Variants in DENND1B observed in about 807,000 individuals in gnomAD.
DENND1B encodes DENN domain-containing protein 1B.
In DENND1B, 59 loss-of-function variants were observed where a neutral mutation model predicts 90.1. The ratio of observed to expected loss-of-function variants is 0.65; its 90% CI spans 0.53 to 0.81. DENND1B has a LOEUF of 0.81. DENND1B is among the 40% of genes least tolerant of loss of function. The pLI, the probability that DENND1B is intolerant of heterozygous loss-of-function variation, is 0.00. For missense variants in DENND1B, 862 were observed against 912.6 expected (o/e 0.94, Z 0.71); for synonymous variants, 337 against 324.6 (o/e 1.04, Z -0.41).
At chr1:197,689,850 T>C (rs1178055702) in intron 3 of DENND1B, 1 of 152,726 alleles carries the variant, frequency 6.5e-6, no homozygotes, top group Non-Finnish European at 1.5e-5. Context: ...AATGTTAGAA[T>C]GGTGACAATA....
At chr1:197,672,594 C>T (rs1655624526) in intron 4 of DENND1B, among the ~76,000 whole-genome samples, 1 of 151,930 alleles carries the variant, frequency 6.6e-6, no homozygotes, top group African/African-American at 2.4e-5. Context: ...TAATGGCAGC[C>T]ACCACCAACT....
intron 2 of DENND1B, among the ~76,000 whole-genome samples, chr1:197,753,280 A>G (rs1653809353): frequency 6.6e-6 from 1 of 152,052 alleles, no homozygotes; most frequent in Non-Finnish European, 1.5e-5. Context: ...AACTTTTCTA[A>G]TTAATCGAAA....
chr1:197,550,069 T>C (rs1350538869), intron 16 of DENND1B, among the ~76,000 whole-genome samples: 1 of 151,958 alleles, frequency 6.6e-6, no homozygotes, highest in Non-Finnish European at 1.5e-5. Context: ...GAGGAGAAAA[T>C]AGATGTTTCT....
intron 2 of DENND1B, among the ~76,000 whole-genome samples, chr1:197,770,643 T>TACAA (rs1309230972): frequency 0.029 from 1,039 of 36,000 alleles, 26 homozygotes; most frequent in African/African-American, 0.2. Context: ...AATATATATC[T>TACAA]ATAAATATAT....
chr1:197,645,812 A>G, intron 8 of DENND1B, 69 bp from the exon 9 acceptor site: 1 of 1,074,532 alleles, frequency 9.3e-7, no homozygotes. Flanking sequence ...TTGTAATGAA[A>G]ATCAGAAAAA....
upstream of DENND1B, among the ~76,000 whole-genome samples, chr1:197,780,463 C>G (rs1414363557): frequency 6.6e-6 from 1 of 151,702 alleles, no homozygotes; most frequent in African/African-American, 2.4e-5. Context: ...GTAGCTGGAA[C>G]TACAGGCACC....
At chr1:197,511,054 T>G in intron 22 of DENND1B, 82 bp from the exon 23 acceptor site, 1 of 1,307,542 alleles carries the variant, frequency 7.6e-7, no homozygotes, top group Non-Finnish European at 1.0e-6. Context: ...GAAATAAATG[T>G]TAATAGCGTT....
chr1:197,638,627 T>C (rs1404056026), intron 10 of DENND1B, among the ~76,000 whole-genome samples: 1 of 152,198 alleles, frequency 6.6e-6, no homozygotes, highest in Non-Finnish European at 1.5e-5. Flanking sequence ...AACCTACCTA[T>C]GGTCACAAAA....
At chr1:197,745,794 A>G (rs1002644520) in intron 2 of DENND1B, among the ~76,000 whole-genome samples, 1 of 151,864 alleles carries the variant, frequency 6.6e-6, no homozygotes, top group Non-Finnish European at 1.5e-5. Context: ...TTAGGAAGAC[A>G]TTTTTAGGCA....
intron 18 of DENND1B, among the ~76,000 whole-genome samples, chr1:197,545,008 G>A (rs1185973706): frequency 3.1e-4 from 12 of 39,184 alleles, no homozygotes; most frequent in African/African-American, 8.1e-4. Context: ...GGAAGACGAC[G>A]ACGACGACGA....
upstream of DENND1B, among the ~76,000 whole-genome samples, chr1:197,777,223 G>A (rs538775598): frequency 6.6e-6 from 1 of 152,220 alleles, no homozygotes; most frequent in East Asian, 1.9e-4. Context: ...TGACCATATT[G>A]AGGACTTTTT....
At chr1:197,521,703 A>G (rs1668789866) in intron 20 of DENND1B, among the ~76,000 whole-genome samples, 1 of 152,086 alleles carries the variant, frequency 6.6e-6, no homozygotes, top group Non-Finnish European at 1.5e-5. Flanking sequence ...ATGGCAGTTT[A>G]TAATTCAAAA....
At chr1:197,516,658 T>C (rs950097725) in intron 20 of DENND1B, among the ~76,000 whole-genome samples, 30 of 151,682 alleles carry the variant, frequency 2.0e-4, no homozygotes, top group African/African-American at 6.5e-4. Flanking sequence ...TAAAGGTCTT[T>C]TGTGGGGAAA....
At position 197,768,583 on chromosome 1, in the gene DENND1B, A is replaced by G. The variant is rs919069075; in HGVS notation, c.82+4285T>C. 1.2e-4 allele frequency among the ~76,000 whole-genome samples: 18 copies of G among 152,208 alleles called. 1 individual carries two copies. The highest frequency in any genetic ancestry group is 9.8e-4 in the Admixed American group (15 of 15,280). On this transcript the variant is annotated intron_variant, in intron 2 of 22. Transcript: ENST00000620048. ...AAGAACACTAGCAATTATCTTGGAG[A>G]TCTACCAGGAAGAGCATTAAGATCT...
chr1:197,732,202 T>C (rs1408688893), intron 2 of DENND1B, among the ~76,000 whole-genome samples: 1 of 152,150 alleles, frequency 6.6e-6, no homozygotes, highest in Non-Finnish European at 1.5e-5. Context: ...CTTAAAAGAG[T>C]AATTCCTTAA....
At chr1:197,699,140 G>A (rs1195245838) in intron 3 of DENND1B, among the ~76,000 whole-genome samples, 3 of 152,082 alleles carry the variant, frequency 2.0e-5, no homozygotes. Context: ...TATCCCCAAT[G>A]AACACCAATG....
rs767327145 is a variant in DENND1B, at chr1:197,674,164, T to C, written c.132A>G (p.Ile44Met). 1 of 1,598,568 alleles carries C rather than the reference T, an allele frequency of 6.3e-7. No individual in the cohort carries two copies. The highest frequency in any genetic ancestry group is 1.7e-5 in the Admixed American group (1 of 58,370). ...KFPEDFGDQE[I>M]LQSVPKFCFP... ...AACAGAACTTTGGCACACTCTGTAG[T>C]ATTTCCTACAAATGGAAATTTCAAA... Residue 44 changes from isoleucine (I) to methionine (M), a missense_variant, in exon 4 of 23, where the codon ATA (isoleucine) becomes ATG (methionine). By Grantham distance (10) the Ile-to-Met change is conservative. Coordinates refer to ENST00000620048, the MANE Select transcript of DENND1B (RefSeq NM_001195215.2).
intron 10 of DENND1B, among the ~76,000 whole-genome samples, chr1:197,626,954 C>T (rs374293214): frequency 1.1e-4 from 17 of 151,912 alleles, no homozygotes; most frequent in African/African-American, 3.4e-4. Context: ...CCTCGACACA[C>T]ACACCCTCCC....
chr1:197,608,604 T>C (rs1676898979), intron 12 of DENND1B, among the ~76,000 whole-genome samples: 1 of 150,654 alleles, frequency 6.6e-6, no homozygotes, highest in Non-Finnish European at 1.5e-5. Flanking sequence ...GATTTTCATC[T>C]TCAACTTTAA....
Sources: gnomAD v4.1 joint callset for allele counts (sites outside exome capture counted in the v4.1 genomes callset) on GRCh38, gnomAD v4.1.1 for gene constraint, MANE v1.5 for transcripts, NCBI Gene and HGNC (gene_info 2026-07-23, HGNC 2026-07-21) for gene names.